The following MMP24 variants were observed in gnomAD, a reference collection of about 807,000 sequenced individuals.
MMP24 encodes the protein matrix metallopeptidase 24.
Under a neutral mutation model 62.8 loss-of-function variants are expected in MMP24, and 25 were observed. That is an observed-to-expected ratio of 0.40 (90% CI 0.29 to 0.56). The LOEUF is 0.56. Ranked by LOEUF, MMP24 falls within the 20% of genes least tolerant of loss-of-function variation. MMP24 has a pLI of 0.50. For synonymous variants in MMP24, 319 were observed against 350.5 expected (o/e 0.91, Z 1.00); for missense variants, 634 against 853.6 (o/e 0.74, Z 3.21).
intron 1 of MMP24, 82 bp from the exon 2 acceptor site, chr20:35,246,757 CT>C: frequency 6.6e-7 from 1 of 1,512,012 alleles, no homozygotes; most frequent in Non-Finnish European, 9.1e-7. Flanking sequence ...CAAATGATCC[CT>C]CGTGTTCAAG....
chr20:35,274,906 G>A lies in MMP24; in HGVS notation c.*297G>A, dbSNP rs941560510. 2.7e-5 allele frequency: 11 copies of A among 414,944 alleles called. No individual in the cohort carries two copies. Among genetic ancestry groups the A allele is most frequent in the African/African-American group, 2.2e-4 (11 of 49,740 alleles). The allele number at this position is 414,944 out of a possible 1,614,324, so 25.7% of individuals were successfully genotyped here. On this transcript the variant is annotated 3_prime_UTR_variant, in exon 9 of 9. Transcript: ENST00000246186. The surrounding 1 kb of genome is among the most constrained non-coding windows in gnomAD (Gnocchi z 5.1). Reference sequence around the variant, plus strand: ...GGAGGCAGGGACCATGCCAGGAGGAGCCCCTGTGGTCACGGCATCCTGTGG... The same window carrying A: ...GGAGGCAGGGACCATGCCAGGAGGAACCCCTGTGGTCACGGCATCCTGTGG...
chr20:35,264,707 C>CAAAAAAAAA (rs57309455), intron 5 of MMP24, among the ~76,000 whole-genome samples: 782 of 43,432 alleles, frequency 0.018, 3 homozygotes, highest in Middle Eastern at 0.033. Flanking sequence ...GACTCCGTCT[C>CAAAAAAAAA]AAAAAAAAAA....
At chr20:35,264,162 T>C (rs1286544851) in intron 5 of MMP24, 1 of 469,662 alleles carries the variant, frequency 2.1e-6, no homozygotes. Context: ...TAGGGGAGGG[T>C]CTGAGCTGTA....
At chr20:35,229,991 T>C (rs943189986) in intron 1 of MMP24, among the ~76,000 whole-genome samples, 44 of 151,994 alleles carry the variant, frequency 2.9e-4, no homozygotes, top group African/African-American at 9.7e-4. Context: ...TTTTATTTAT[T>C]TTATTTATTT....
intron 8 of MMP24, among the ~76,000 whole-genome samples, chr20:35,273,925 CAT>C (rs939938311): frequency 1.3e-5 from 2 of 152,194 alleles, no homozygotes; most frequent in African/African-American, 4.8e-5. Flanking sequence ...ATGGAGCCCA[CAT>C]GAGCGGGGCA....
At chr20:35,235,521 C>A (rs2060458612) in intron 1 of MMP24, among the ~76,000 whole-genome samples, 1 of 152,042 alleles carries the variant, frequency 6.6e-6, no homozygotes, top group South Asian at 2.1e-4. Context: ...TAGGGTGAAA[C>A]CCTGTCTTTA....
At chr20:35,266,531 G>C (rs1212433900) in intron 5 of MMP24, among the ~76,000 whole-genome samples, 3 of 152,038 alleles carry the variant, frequency 2.0e-5, no homozygotes, top group Non-Finnish European at 4.4e-5. Context: ...CTCTAGAGTA[G>C]GGCAGATGAG....
chr20:35,233,478 GT>G (rs1204835383), intron 1 of MMP24, among the ~76,000 whole-genome samples: 1 of 152,074 alleles, frequency 6.6e-6, no homozygotes, highest in Non-Finnish European at 1.5e-5. Flanking sequence ...AAAAACTAAT[GT>G]TTGACAAAGC....
In MMP24 at chr20:35,276,072, G is replaced by A. The variant is rs764172356; in HGVS notation, c.*1463G>A. The A allele has an allele frequency of 2.8e-5, 11 of 398,636 alleles. No individual in the cohort carries two copies. Among genetic ancestry groups the A allele is most frequent in the Admixed American group, 1.3e-4 (3 of 22,720 alleles). The allele number at this position is 398,636 out of a possible 1,614,324, so 24.7% of individuals were successfully genotyped here. ...TCAGGCAGTCTCCAGCGTGCTGGCC[G>A]GGTCTCGGATGCCACCCCTGCTCAC... On this transcript the variant is annotated 3_prime_UTR_variant, in exon 9 of 9. Transcript: ENST00000246186.
intron 3 of MMP24, among the ~76,000 whole-genome samples, chr20:35,253,293 T>C (rs1314864738): frequency 8.4e-5 from 11 of 130,430 alleles, no homozygotes; most frequent in South Asian, 5.1e-4. Flanking sequence ...TTTTTTTTTT[T>C]CAGAAATCTG....
chr20:35,242,607 T>TAG (rs2060494215), intron 1 of MMP24, among the ~76,000 whole-genome samples: 3 of 152,178 alleles, frequency 2.0e-5, no homozygotes, highest in Non-Finnish European at 4.4e-5. Context: ...TTCCTCAAGC[T>TAG]AAAGCCTAAT....
intron 2 of MMP24, among the ~76,000 whole-genome samples, chr20:35,248,215 C>T (rs1285040034): frequency 6.6e-6 from 1 of 151,894 alleles, no homozygotes; most frequent in Non-Finnish European, 1.5e-5. Context: ...ACGTAAGTCA[C>T]TCCTGGACAG....
At chr20:35,272,713 A>G (rs1019514066) in intron 8 of MMP24, among the ~76,000 whole-genome samples, 1 of 152,198 alleles carries the variant, frequency 6.6e-6, no homozygotes, top group African/African-American at 2.4e-5. Context: ...ATAGATCTCC[A>G]TTGATATGGT....
intron 5 of MMP24, among the ~76,000 whole-genome samples, chr20:35,266,175 T>TTAA (rs771720633): frequency 0.019 from 801 of 43,036 alleles, 27 homozygotes; most frequent in African/African-American, 0.077. Context: ...CCATCTCTGC[T>TTAA]AAAAAAAAAA....
intron 1 of MMP24, among the ~76,000 whole-genome samples, chr20:35,236,648 C>T (rs1284682386): frequency 6.6e-6 from 1 of 151,982 alleles, no homozygotes; most frequent in Non-Finnish European, 1.5e-5. Context: ...AATAACCAAA[C>T]GTGGTGGTCA....
At chr20:35,254,329 C>A (rs1344730521) in intron 3 of MMP24, 121 bp from the exon 4 acceptor site, 2 of 1,001,052 alleles carry the variant, frequency 2.0e-6, no homozygotes, top group Non-Finnish European at 3.0e-6. Context: ...CCTGAGGCAG[C>A]TAAGCAGAAT....
intron 4 of MMP24, among the ~76,000 whole-genome samples, chr20:35,262,200 CACAGAG>C (rs1394383363): frequency 5.3e-5 from 8 of 152,196 alleles, no homozygotes; most frequent in Middle Eastern, 3.4e-3. Context: ...AAGAAAAAGA[CACAGAG>C]ACAAAGTATA....
chr20:35,251,871 C>T, intron 2 of MMP24, 34 bp from the exon 3 acceptor site: 1 of 1,517,536 alleles, frequency 6.6e-7, no homozygotes, highest in South Asian at 1.1e-5. Flanking sequence ...GACCACAGTG[C>T]ATATGCGTGT....
chr20:35,251,976 A>G lies in MMP24; in HGVS notation c.467A>G (p.Tyr156Cys), dbSNP rs2060549984. Residue 156 changes from tyrosine to cysteine, a missense_variant, in exon 3 of 9, where the codon TAT becomes TGT. Physicochemically the swap from Tyr to Cys is radical, Grantham distance 194 (BLOSUM62 -2). Around this residue, in one of 3 missense-constraint regions of MMP24, gnomAD observed 212 missense variants for 259.6 expected, o/e 0.82. Transcript: ENST00000246186. ...HLSRRRRNKRYALTGQKWRQK... is the reference protein window; with the variant it reads ...HLSRRRRNKRCALTGQKWRQK... ...AGCCGTAGGCGGAGAAACAAGCGCTATGCCCTGACTGGACAGAAGTGGAGG... is the reference window on the plus strand; with the variant it reads ...AGCCGTAGGCGGAGAAACAAGCGCTGTGCCCTGACTGGACAGAAGTGGAGG... The G allele has an allele frequency of 1.2e-6, 2 of 1,614,044 alleles. No individual in the cohort carries two copies. The highest frequency in any genetic ancestry group is 1.7e-6 in the Non-Finnish European group (2 of 1,179,894).
Sources: allele counts gnomAD v4.1 joint callset (sites outside exome capture counted in the v4.1 genomes callset), GRCh38; gene constraint gnomAD v4.1.1; regional missense constraint gnomAD v4.1.1; non-coding constraint Gnocchi (gnomAD v3.1); transcripts MANE v1.5; gene names NCBI Gene and HGNC (gene_info 2026-07-23, HGNC 2026-07-21).